FER: variants seen among roughly 807,000 people sequenced by gnomAD.
FER encodes FER tyrosine kinase.
A neutral mutation model predicts 111.0 loss-of-function variants in FER; 63 were observed. The observed-to-expected ratio is 0.57, with a 90% CI of 0.46 to 0.70. FER has a LOEUF of 0.70. Ranked by LOEUF, FER falls within the 30% of genes least tolerant of loss-of-function variation. The pLI, the probability that FER is intolerant of heterozygous loss-of-function variation, is 0.00. For missense variants in FER, 914 were observed against 954.0 expected (o/e 0.96, Z 0.55); for synonymous variants, 327 against 313.9 (o/e 1.04, Z -0.44).
chr5:108,957,750 G>A (rs891068315), intron 12 of FER, among the ~76,000 whole-genome samples: 3 of 151,520 alleles, frequency 2.0e-5, no homozygotes, highest in Admixed American at 6.6e-5. Flanking sequence ...AATTGAATGT[G>A]TGCCAGTACA....
chr5:108,807,762 A>G (rs1434087939), intron 3 of FER, among the ~76,000 whole-genome samples: 3 of 152,056 alleles, frequency 2.0e-5, no homozygotes, highest in South Asian at 2.1e-4. Context: ...AGTGCTATAT[A>G]CTTTTCTCTG....
chr5:108,803,496 A>G (rs530867462), intron 3 of FER, among the ~76,000 whole-genome samples: 1 of 152,260 alleles, frequency 6.6e-6, no homozygotes, highest in South Asian at 2.1e-4. Flanking sequence ...TCCATTCTGA[A>G]TTAATTTTTG....
chr5:109,192,023 T>C lies in FER; in HGVS notation c.*4448T>C, dbSNP rs554560156. 6.6e-6 allele frequency: 1 copy of C among 152,260 alleles called. No individual in the cohort carries two copies. Among genetic ancestry groups the C allele is most frequent in the South Asian group, 2.1e-4 (1 of 4,826 alleles). The allele number at this position is 152,260 out of a possible 1,614,324, so 9.4% of individuals were successfully genotyped here. A position where few individuals can be genotyped will look rare whatever the true frequency, so the allele number is the denominator to read the frequency against. On this transcript the variant is annotated 3_prime_UTR_variant, in exon 20 of 20. Transcript: ENST00000281092. ...CCCCATTAAAAGCCATCCTCCTGCCTCATACCGATTCAGAAATTAAATTCT... is the reference window on the plus strand; with the variant it reads ...CCCCATTAAAAGCCATCCTCCTGCCCCATACCGATTCAGAAATTAAATTCT...
intron 2 of FER, among the ~76,000 whole-genome samples, chr5:108,782,364 C>T (rs1437974961): frequency 2.0e-5 from 3 of 151,962 alleles, no homozygotes; most frequent in African/African-American, 7.2e-5. Context: ...AAATGATCCT[C>T]CCCCTTCAAC....
chr5:108,803,288 T>C (rs1439387537), intron 3 of FER, among the ~76,000 whole-genome samples: 1 of 152,244 alleles, frequency 6.6e-6, no homozygotes, highest in African/African-American at 2.4e-5. Context: ...GGTTGTCTGT[T>C]TACTCTGTTG....
chr5:108,776,309 A>G (rs188516386), intron 2 of FER, among the ~76,000 whole-genome samples: 43 of 152,248 alleles, frequency 2.8e-4, no homozygotes, highest in Admixed American at 1.8e-3. Context: ...CTCTATATCA[A>G]TGTTAAAATA....
chr5:108,990,679 G>T (rs1046821900), intron 13 of FER, among the ~76,000 whole-genome samples: 49 of 151,742 alleles, frequency 3.2e-4, no homozygotes, highest in African/African-American at 9.9e-4. Context: ...TCTTAAGAGA[G>T]AGAGACACAG....
At chr5:108,880,345 TAAG>T (rs1172377275) in intron 8 of FER, among the ~76,000 whole-genome samples, 1 of 152,164 alleles carries the variant, frequency 6.6e-6, no homozygotes, top group South Asian at 2.1e-4. Context: ...AAGGCAGTGA[TAAG>T]AAGCTGGTTG....
intron 13 of FER, among the ~76,000 whole-genome samples, chr5:109,000,147 A>AAT (rs976763716): frequency 1.3e-5 from 2 of 151,622 alleles, no homozygotes; most frequent in Non-Finnish European, 2.9e-5. Flanking sequence ...GATGATATAT[A>AAT]ATATATATAT....
intron 3 of FER, among the ~76,000 whole-genome samples, chr5:108,804,620 G>A (rs957135046): frequency 4.6e-5 from 7 of 152,122 alleles, no homozygotes; most frequent in Non-Finnish European, 8.8e-5. Flanking sequence ...GATTGTGTTC[G>A]TGTGACAAAT....
intron 10 of FER, among the ~76,000 whole-genome samples, chr5:108,903,031 C>T (rs1456891988): frequency 2.0e-5 from 3 of 151,906 alleles, no homozygotes; most frequent in Admixed American, 6.6e-5. Context: ...TTCGTTTTCC[C>T]TTCAGAATAA....
intron 17 of FER, among the ~76,000 whole-genome samples, chr5:109,112,074 G>A (rs1489528929): frequency 6.6e-6 from 1 of 151,704 alleles, no homozygotes; most frequent in Non-Finnish European, 1.5e-5. Flanking sequence ...TTTGCTTTTT[G>A]TGGGGAAAGA....
chr5:108,947,456 T>C (rs1327862252), intron 11 of FER, among the ~76,000 whole-genome samples: 2 of 152,106 alleles, frequency 1.3e-5, no homozygotes, highest in African/African-American at 2.4e-5. Context: ...ACTAATGATG[T>C]TGAGCATTTT....
At chr5:109,148,556 A>G (rs2126676784) in intron 17 of FER, among the ~76,000 whole-genome samples, 1 of 152,284 alleles carries the variant, frequency 6.6e-6, no homozygotes, top group Non-Finnish European at 1.5e-5. Flanking sequence ...ATTCATAATG[A>G]TTTCCTAGAG....
rs564648466 is a variant in FER at position 109,014,743 on chromosome 5, C to A, written c.1657-22679C>A. 3.9e-5 allele frequency: 6 copies of A among 152,158 alleles called. No individual in the cohort carries two copies. In the East Asian group the frequency reaches 1.2e-3, roughly 29 times the overall value. The allele number at this position is 152,158 out of a possible 1,614,324, so 9.4% of individuals were successfully genotyped here. On this transcript the variant is annotated intron_variant, in intron 13 of 19. Coordinates refer to ENST00000281092, the MANE Select transcript of FER (RefSeq NM_005246.4). ...GGAATATTCTTCCATTTGTTTGTATCCTCTTTTATTTCATTGAGCAGTGGT... is the reference window on the plus strand; with the variant it reads ...GGAATATTCTTCCATTTGTTTGTATACTCTTTTATTTCATTGAGCAGTGGT...
At chr5:109,187,100 A>G (rs1758962327) in intron 19 of FER, among the ~76,000 whole-genome samples, 1 of 152,246 alleles carries the variant, frequency 6.6e-6, no homozygotes, top group Non-Finnish European at 1.5e-5. Context: ...CTTGAAAAAC[A>G]CAGATGATTT....
intron 16 of FER, among the ~76,000 whole-genome samples, chr5:109,080,215 C>G (rs534855481): frequency 1.5e-4 from 23 of 152,136 alleles, no homozygotes; most frequent in Non-Finnish European, 2.9e-4. Context: ...CCTGTGTAAT[C>G]TAAATTCTTT....
At chr5:108,783,571 T>C (rs757052185) in intron 2 of FER, among the ~76,000 whole-genome samples, 8 of 152,254 alleles carry the variant, frequency 5.3e-5, no homozygotes, top group Non-Finnish European at 4.4e-5. Context: ...TTCTGAGGGC[T>C]AGTTCAACCT....
chr5:109,013,340 T>A (rs990681937), intron 13 of FER, among the ~76,000 whole-genome samples: 7 of 151,208 alleles, frequency 4.6e-5, no homozygotes, highest in Non-Finnish European at 8.8e-5. Context: ...TTTGGTTTTT[T>A]GTCCTTGCGA....
Sources: allele counts gnomAD v4.1 joint callset (sites outside exome capture counted in the v4.1 genomes callset), GRCh38; gene constraint gnomAD v4.1.1; transcripts MANE v1.5; gene names NCBI Gene and HGNC (gene_info 2026-07-23, HGNC 2026-07-21).